Variants in LINGO2 observed in about 807,000 individuals in gnomAD.
LINGO2 encodes the protein leucine-rich repeat and immunoglobulin-like domain-containing nogo receptor-interacting protein 2.
LINGO2 carries 14 observed loss-of-function variants against 30.6 expected under a neutral mutation model. The observed-to-expected ratio is 0.46, with a 90% confidence interval of 0.30 to 0.72. The LOEUF is 0.72. Among genes scored for constraint, LINGO2 ranks in the 30% least tolerant of loss-of-function variants. LINGO2 has a pLI of 0.07. For missense variants in LINGO2, 729 were observed against 751.7 expected (o/e 0.97, Z 0.35); for synonymous variants, 317 against 288.5 (o/e 1.10, Z -1.00).
At chr9:29,203,068 C>T in the LINGO2 span, among the ~76,000 whole-genome samples, 1 of 151,996 alleles carries the variant, frequency 6.6e-6, no homozygotes, top group Non-Finnish European at 1.5e-5. Flanking sequence ...GAATTCAGAA[C>T]CAACCATATA....
chr9:28,673,848 G>C (rs926307949), upstream of LINGO2, among the ~76,000 whole-genome samples: 1 of 151,942 alleles, frequency 6.6e-6, no homozygotes, highest in South Asian at 2.1e-4. Flanking sequence ...CACAATTCAA[G>C]GTAAGTGATA....
intron 3 of LINGO2, among the ~76,000 whole-genome samples, chr9:28,338,121 C>T (rs961371176): frequency 6.6e-6 from 1 of 152,188 alleles, no homozygotes; most frequent in Admixed American, 6.5e-5. Flanking sequence ...AGGAACAGAG[C>T]TGCCCAAGGC....
intron 1 of LINGO2, among the ~76,000 whole-genome samples, chr9:28,584,382 A>G (rs1482196073): frequency 6.6e-6 from 1 of 152,078 alleles, no homozygotes; most frequent in Non-Finnish European, 1.5e-5. Flanking sequence ...TTAATTCTAA[A>G]CAAAAATGCC....
intron 1 of LINGO2, among the ~76,000 whole-genome samples, chr9:28,515,586 G>C (rs1187722513): frequency 6.6e-6 from 1 of 152,178 alleles, no homozygotes; most frequent in Admixed American, 6.5e-5. Context: ...AATACCAAGA[G>C]AACTAGAAGC....
chr9:28,261,576 T>C (rs578254071), intron 4 of LINGO2, among the ~76,000 whole-genome samples: 1 of 152,028 alleles, frequency 6.6e-6, no homozygotes, highest in East Asian at 1.9e-4. Flanking sequence ...TACCTTTAGA[T>C]TTGAAACTTT....
the LINGO2 span, among the ~76,000 whole-genome samples, chr9:29,085,313 A>T: frequency 1.5e-5 from 2 of 135,788 alleles, no homozygotes; most frequent in South Asian, 2.3e-4. Context: ...AAAAAAAAAG[A>T]ATAAATTAAA....
chr9:29,045,289 C>T, the LINGO2 span, among the ~76,000 whole-genome samples: 3 of 152,014 alleles, frequency 2.0e-5, no homozygotes, highest in African/African-American at 7.2e-5. Context: ...CAATTGGCCA[C>T]AGGTAATTGA....
chr9:28,167,529 T>G (rs549736536), intron 4 of LINGO2, among the ~76,000 whole-genome samples: 5 of 152,272 alleles, frequency 3.3e-5, no homozygotes, highest in Admixed American at 1.3e-4. Flanking sequence ...TATAAGCATG[T>G]GCCACCACGC....
chr9:28,976,664 G>A, the LINGO2 span, among the ~76,000 whole-genome samples: 1 of 152,002 alleles, frequency 6.6e-6, no homozygotes, highest in African/African-American at 2.4e-5. Flanking sequence ...TGATAGGATA[G>A]GATCAGCTAT....
the LINGO2 span, among the ~76,000 whole-genome samples, chr9:29,135,683 A>G: frequency 6.6e-6 from 1 of 152,068 alleles, no homozygotes; most frequent in Non-Finnish European, 1.5e-5. Context: ...CATCTTGACT[A>G]TTTTTAAATG....
the LINGO2 span, among the ~76,000 whole-genome samples, chr9:29,074,775 T>G: frequency 1.4e-5 from 2 of 138,214 alleles, no homozygotes; most frequent in Non-Finnish European, 3.1e-5. Context: ...AGCCTCTGCC[T>G]CCCAGGTTCA....
intron 2 of LINGO2, among the ~76,000 whole-genome samples, chr9:28,434,833 T>C (rs1823857903): frequency 1.3e-5 from 2 of 152,106 alleles, no homozygotes; most frequent in South Asian, 4.1e-4. Flanking sequence ...TTTTAAAAGG[T>C]TTATTGACTA....
At chr9:28,855,819 C>A in the LINGO2 span, among the ~76,000 whole-genome samples, 2 of 152,066 alleles carry the variant, frequency 1.3e-5, no homozygotes, top group African/African-American at 2.4e-5. Context: ...CCGGTTAAGG[C>A]AATTCCAGTT....
chr9:28,634,630 T>G (rs1032020899), intron 1 of LINGO2, among the ~76,000 whole-genome samples: 2 of 151,522 alleles, frequency 1.3e-5, no homozygotes, highest in African/African-American at 4.8e-5. Context: ...GGATTACAGG[T>G]GTCTGTCAGC....
chr9:28,433,915 CTCTCTCTT>C (rs1484055473), intron 2 of LINGO2, among the ~76,000 whole-genome samples: 13 of 53,114 alleles, frequency 2.4e-4, no homozygotes, highest in African/African-American at 8.1e-4. Context: ...AGAAAATGTG[CTCTCTCTT>C]TCTCTCTCTC....
chr9:29,197,365 A>G, the LINGO2 span, among the ~76,000 whole-genome samples: 1 of 152,060 alleles, frequency 6.6e-6, no homozygotes, highest in Admixed American at 6.6e-5. Context: ...AGACAAGAGG[A>G]TGGTTCAAAA....
At chr9:28,669,409 A>C (rs1198924456) in intron 1 of LINGO2, among the ~76,000 whole-genome samples, 1 of 152,152 alleles carries the variant, frequency 6.6e-6, no homozygotes, top group Non-Finnish European at 1.5e-5. Context: ...CAATTAAATA[A>C]GACATTTCTT....
At chr9:28,633,572 T>C (rs890110816) in intron 1 of LINGO2, among the ~76,000 whole-genome samples, 1 of 152,306 alleles carries the variant, frequency 6.6e-6, no homozygotes, top group Non-Finnish European at 1.5e-5. Flanking sequence ...TTCAGTAACA[T>C]GTACTTTAAT....
chr9:28,107,421 C>T (rs181666073), intron 4 of LINGO2, among the ~76,000 whole-genome samples: 1 of 152,166 alleles, frequency 6.6e-6, no homozygotes, highest in East Asian at 1.9e-4. Context: ...GGGACAATTA[C>T]TTTCTCTTGT....
Sources: gnomAD v4.1 joint callset for allele counts (sites outside exome capture counted in the v4.1 genomes callset) on GRCh38, gnomAD v4.1.1 for gene constraint, MANE v1.5 for transcripts, NCBI Gene and HGNC (gene_info 2026-07-23, HGNC 2026-07-21) for gene names.